The following ITCH variants were observed in gnomAD, a reference collection of about 807,000 sequenced individuals.
ITCH encodes E3 ubiquitin-protein ligase Itchy homolog.
A neutral mutation model predicts 126.8 loss-of-function variants in ITCH; 28 were observed. The observed-to-expected ratio is 0.22, with a 90% confidence interval of 0.16 to 0.30. The LOEUF is 0.30. Among genes scored for constraint, ITCH ranks in the 10% least tolerant of loss-of-function variants. The pLI is 1.00. For missense variants in ITCH, 631 were observed against 1,032.4 expected, an observed-to-expected ratio of 0.61 and a Z score of 5.33; for synonymous variants, 342 against 340.0, an observed-to-expected ratio of 1.01 and a Z score of -0.06.
At chr20:34,502,955 T>A (rs1990354785) in intron 23 of ITCH, among the ~76,000 whole-genome samples, 1 of 152,152 alleles carries the variant, frequency 6.6e-6, no homozygotes, top group African/African-American at 2.4e-5. Context: ...GAGGTTGCAT[T>A]GAGCCAAGAT....
chr20:34,409,139 T>TCCC (rs55788421), intron 4 of ITCH, among the ~76,000 whole-genome samples: 19 of 82,762 alleles, frequency 2.3e-4, no homozygotes, highest in African/African-American at 7.9e-4. Flanking sequence ...TTATGAGTAC[T>TCCC]CCCCCCCCCC....
intron 12 of ITCH, chr20:34,450,954 T>C (rs150400355): frequency 1.2e-4 from 18 of 152,336 alleles, no homozygotes; most frequent in African/African-American, 4.3e-4. Flanking sequence ...GCTATACATA[T>C]AACTGTTACT....
intron 7 of ITCH, among the ~76,000 whole-genome samples, chr20:34,430,779 A>G (rs1334873453): frequency 6.6e-6 from 1 of 152,184 alleles, no homozygotes; most frequent in Non-Finnish European, 1.5e-5. Flanking sequence ...CGCCCAGCCT[A>G]AAATATTTGA....
Position 34,500,177 on chromosome 20 carries a change from G to A in ITCH, c.2417-4154G>A, listed in dbSNP as rs77500892. 1.3e-4 allele frequency among the ~76,000 whole-genome samples: 20 copies of A among 152,298 alleles called. No homozygotes were observed. The East Asian group carries it at 3.7e-3, about 28-fold the overall frequency. ...GAAGCTGTTGGATGAAATGTTCTATGAATGACTGTTAGGTTCATTTGGTCT... is the reference window on the plus strand; with the variant it reads ...GAAGCTGTTGGATGAAATGTTCTATAAATGACTGTTAGGTTCATTTGGTCT... On this transcript the variant is annotated intron_variant, in intron 23 of 24. Coordinates refer to ENST00000374864, the MANE Select transcript of ITCH (RefSeq NM_031483.7).
rs1360718731 is a variant in ITCH at position 34,509,325 on chromosome 20, GC to G, written c.*1532del. 1.3e-5 allele frequency: 2 copies of G among 152,256 alleles called. No individual in the cohort carries two copies. Among genetic ancestry groups the G allele is most frequent in the African/African-American group, 4.8e-5 (2 of 41,446 alleles). The allele number at this position is 152,256 out of a possible 1,614,324, so 9.4% of individuals were successfully genotyped here. On this transcript the variant is annotated 3_prime_UTR_variant, in exon 25 of 25. Coordinates refer to ENST00000374864, the MANE Select transcript of ITCH (RefSeq NM_031483.7). Reference sequence around the variant, plus strand: ...GCTGAACCCTGAGGACAGCCTCATAGCTCATGTATCAGGGACTTTTGCCACA... The same window carrying G: ...GCTGAACCCTGAGGACAGCCTCATAGTCATGTATCAGGGACTTTTGCCACA...
intron 14 of ITCH, among the ~76,000 whole-genome samples, chr20:34,467,790 A>G (rs928494320): frequency 2.7e-5 from 4 of 148,656 alleles, no homozygotes; most frequent in South Asian, 2.1e-4. Flanking sequence ...GGTTCAAGCA[A>G]TTCTCCTGCC....
chr20:34,442,303 G>T lies in ITCH; in HGVS notation c.965G>T (p.Gly322Val). ...TWDRPEPLPP[G>V]WERRVDNMGR... is the part of the protein sequence containing the mutation. ...GATAGACCAGAACCTCTACCTCCTG[G>T]GTAAGTATCTAAATTTAAAAAGAAT... The change falls in exon 10 of 25, where the codon GGC becomes GTC. Residue 322 changes from glycine (G) to valine (V), a missense_variant and splice_region_variant. By Grantham distance (109) the Gly-to-Val change is moderately radical (BLOSUM62 -3). Coordinates refer to ENST00000374864, the MANE Select transcript of ITCH (RefSeq NM_031483.7). 6.3e-7 allele frequency: 1 copy of T among 1,584,026 alleles called. No individual in the cohort carries two copies. The highest frequency in any genetic ancestry group is 1.1e-5 in the South Asian group (1 of 90,456).
intron 14 of ITCH, among the ~76,000 whole-genome samples, chr20:34,466,891 G>T (rs868560489): frequency 6.6e-6 from 1 of 152,092 alleles, no homozygotes; most frequent in Non-Finnish European, 1.5e-5. Context: ...CTAGAAAAAG[G>T]CAAGTTATTA....
chr20:34,435,662 A>G (rs1259455456), intron 7 of ITCH, among the ~76,000 whole-genome samples: 4 of 152,214 alleles, frequency 2.6e-5, no homozygotes, highest in Non-Finnish European at 5.9e-5. Context: ...CTCAACTGGA[A>G]CATTCTCCAG....
At chr20:34,380,326 A>G (rs1044170492) in intron 2 of ITCH, among the ~76,000 whole-genome samples, 4 of 152,188 alleles carry the variant, frequency 2.6e-5, no homozygotes, top group African/African-American at 7.2e-5. Context: ...AATAGGCTCA[A>G]GTACAGCAAT....
At chr20:34,441,009 G>A (rs1317242342) in intron 9 of ITCH, among the ~76,000 whole-genome samples, 2 of 151,928 alleles carry the variant, frequency 1.3e-5, no homozygotes, top group African/African-American at 2.4e-5. Context: ...GGTGGCTCAC[G>A]CCTGTAATAC....
chr20:34,471,541 TC>T, intron 16 of ITCH, 26 bp downstream of exon 16: 10 of 1,430,476 alleles, frequency 7.0e-6, no homozygotes, highest in East Asian at 2.3e-5. Flanking sequence ...CTCAATAATT[TC>T]CCCCCTGGCT....
chr20:34,472,388 A>G (rs73103138), intron 16 of ITCH, among the ~76,000 whole-genome samples: 23 of 47,282 alleles, frequency 4.9e-4, no homozygotes, highest in Middle Eastern at 0.012. Flanking sequence ...AAAAAAAAAA[A>G]AAAAAAAAAC....
intron 7 of ITCH, among the ~76,000 whole-genome samples, chr20:34,435,304 G>T (rs1982868738): frequency 6.6e-6 from 1 of 151,956 alleles, no homozygotes; most frequent in Non-Finnish European, 1.5e-5. Context: ...GAGTAGCTGG[G>T]ACTATAGGCG....
chr20:34,483,233 C>T (rs1988881499), intron 20 of ITCH, among the ~76,000 whole-genome samples: 1 of 152,170 alleles, frequency 6.6e-6, no homozygotes, highest in South Asian at 2.1e-4. Flanking sequence ...GATTAACATT[C>T]GGGTCCTCAT....
chr20:34,487,439 G>A (rs143343961), intron 20 of ITCH, among the ~76,000 whole-genome samples: 1 of 151,950 alleles, frequency 6.6e-6, no homozygotes, highest in Non-Finnish European at 1.5e-5. Flanking sequence ...TATTTGTCTC[G>A]CCTTGCTATT....
At chr20:34,372,959 A>G (rs1472333547) in intron 2 of ITCH, among the ~76,000 whole-genome samples, 1 of 151,662 alleles carries the variant, frequency 6.6e-6, no homozygotes, top group Non-Finnish European at 1.5e-5. Context: ...TTCCTTTAAC[A>G]TGATTGAATG....
Position 34,445,321 on chromosome 20 carries a change from T to C in ITCH, c.1000T>C (p.Tyr334His). 6.2e-7 allele frequency: 1 copy of C among 1,613,922 alleles called. No homozygotes were observed. Among genetic ancestry groups the C allele is most frequent in the African/African-American group, 1.3e-5 (1 of 74,948 alleles). ...GCGGGTTGACAACATGGGACGTATT[T>C]ATTATGTTGACCATTTCACAAGAAC... is the stretch of plus-strand genomic sequence containing the variant. The part of the protein sequence containing the change: ...ERRVDNMGRI[Y>H]YVDHFTRTTT... The change falls in exon 11 of 25, where the codon TAT (tyrosine) becomes CAT (histidine). Residue 334 changes from tyrosine to histidine, a missense_variant. Physicochemically the swap from Tyr to His is moderately conservative, Grantham distance 83. This residue lies in a region of ITCH where 390 missense variants were observed against 731.6 expected (regional missense o/e 0.53). Coordinates refer to ENST00000374864, the MANE Select transcript of ITCH (RefSeq NM_031483.7).
intron 12 of ITCH, among the ~76,000 whole-genome samples, chr20:34,451,289 CAAAAA>C (rs1234630566): frequency 1.4e-5 from 1 of 71,214 alleles, no homozygotes; most frequent in Non-Finnish European, 3.0e-5. Context: ...GACTCCGTCT[CAAAAA>C]AAAAAAAAAA....
Sources: allele counts gnomAD v4.1 joint callset (sites outside exome capture counted in the v4.1 genomes callset), GRCh38; gene constraint gnomAD v4.1.1; regional missense constraint gnomAD v4.1.1; transcripts MANE v1.5; gene names NCBI Gene and HGNC (gene_info 2026-07-23, HGNC 2026-07-21).